Variants in DDX25 observed in about 807,000 individuals in gnomAD.
DDX25 encodes ATP-dependent RNA helicase DDX25.
In DDX25, 70 loss-of-function variants were observed where a neutral mutation model predicts 64.6. The observed-to-expected ratio is 1.08, with a 90% CI of 0.89 to 1.32. The LOEUF is 1.32. Among genes scored for constraint, DDX25 ranks in the 40% most tolerant of loss-of-function variants. The probability of loss-of-function intolerance (pLI) is 0.00; values close to 1 mark genes in which losing one functional copy is unlikely to be tolerated. For missense variants in DDX25, 587 were observed against 604.4 expected (o/e 0.97, Z 0.30); for synonymous variants, 211 against 213.3 (o/e 0.99, Z 0.09).
chr11:125,919,291 C>T (rs2134283718), intron 10 of DDX25, among the ~76,000 whole-genome samples: 1 of 152,282 alleles, frequency 6.6e-6, no homozygotes, highest in East Asian at 1.9e-4. Flanking sequence ...GCTTTCATTT[C>T]TCTTGGGTAA....
chr11:125,909,777 G>A (rs1320611704), intron 6 of DDX25, among the ~76,000 whole-genome samples: 1 of 151,580 alleles, frequency 6.6e-6, no homozygotes, highest in Non-Finnish European at 1.5e-5. Context: ...AGCCTCCCAA[G>A]TAGCTGGGAT....
chr11:125,924,444 C>T lies in DDX25; in HGVS notation c.*1563C>T, dbSNP rs1413085776. On this transcript the variant is annotated 3_prime_UTR_variant, in exon 12 of 12. Coordinates refer to ENST00000263576, the MANE Select transcript of DDX25 (RefSeq NM_013264.5). ...ACAGACTGTGCTAAAGCAAGCGGGCCCAGATCACTAGTGTAGCACAGAGGA... is the reference window on the plus strand; with the variant it reads ...ACAGACTGTGCTAAAGCAAGCGGGCTCAGATCACTAGTGTAGCACAGAGGA... 1 of 152,210 alleles carries T rather than the reference C, an allele frequency of 6.6e-6. No homozygotes were observed. Among genetic ancestry groups the T allele is most frequent in the Non-Finnish European group, 1.5e-5 (1 of 68,088 alleles). 9.4% of individuals were successfully genotyped at this position (152,210 alleles called of 1,614,324 possible). A position where few individuals can be genotyped will look rare whatever the true frequency, so the allele number is the denominator to read the frequency against.
chr11:125,911,557 T>C, intron 8 of DDX25, 69 bp downstream of exon 8: 1 of 1,459,920 alleles, frequency 6.8e-7, no homozygotes. Context: ...TGTTTACTCC[T>C]CCACATTATC....
chr11:125,920,915 C>A, intron 10 of DDX25: 1 of 218,912 alleles, frequency 4.6e-6, no homozygotes, highest in South Asian at 9.6e-5. Flanking sequence ...ACCACACACA[C>A]ACATACACAC....
Position 125,910,395 on chromosome 11 carries a change from C to T in DDX25, c.539C>T (p.Ala180Val). ...CLCLAPTYEL[A>V]LQTGRVVEQM... ...TGCCTAGCTCCTACTTATGAATTGGCTCTGCAAACTGGCCGTGTGGTTGAG... is the reference window on the plus strand; with the variant it reads ...TGCCTAGCTCCTACTTATGAATTGGTTCTGCAAACTGGCCGTGTGGTTGAG... The change falls in exon 7 of 12, where the codon GCT becomes GTT. Residue 180 changes from alanine to valine, a missense_variant. By Grantham distance (64) the Ala-to-Val change is moderately conservative. Coordinates refer to ENST00000263576, the MANE Select transcript of DDX25 (RefSeq NM_013264.5). 6.2e-7 allele frequency: 1 copy of T among 1,613,954 alleles called. No homozygotes were observed. The highest frequency in any genetic ancestry group is 1.3e-5 in the African/African-American group (1 of 75,038).
At chr11:125,904,618 G>T in intron 1 of DDX25, 38 bp downstream of exon 1, 1 of 1,429,468 alleles carries the variant, frequency 7.0e-7, no homozygotes, top group Non-Finnish European at 9.2e-7. Flanking sequence ...AGCCGCGGGG[G>T]TGGAGCTCCC....
intron 4 of DDX25, among the ~76,000 whole-genome samples, chr11:125,907,404 C>T (rs144303968): frequency 0.029 from 4,428 of 152,002 alleles, 80 homozygotes; most frequent in African/African-American, 0.033. Context: ...GTCAGGAGAT[C>T]GAGACCATCC....
At chr11:125,910,071 C>G (rs1358439682) in intron 6 of DDX25, among the ~76,000 whole-genome samples, 1 of 151,844 alleles carries the variant, frequency 6.6e-6, no homozygotes, top group Non-Finnish European at 1.5e-5. Flanking sequence ...CCCTCCTATG[C>G]CTCCCCCACT....
intron 4 of DDX25, among the ~76,000 whole-genome samples, chr11:125,907,372 G>A (rs1944902505): frequency 6.6e-6 from 1 of 152,144 alleles, no homozygotes; most frequent in Non-Finnish European, 1.5e-5. Context: ...ACTTTGGGAG[G>A]CCAAGGGGGG....
In DDX25 at chr11:125,926,138, G is replaced by A. The variant is rs1273818878; in HGVS notation, c.*3257G>A. On this transcript the variant is annotated 3_prime_UTR_variant, in exon 12 of 12. Transcript: ENST00000263576. The stretch of plus-strand genomic sequence containing the variant: ...TAGAAAGAGAACCCCTGCAGAGACA[G>A]TCCAGCTGTTGGGATGGGCCTGCAC... 6.6e-6 allele frequency: 1 copy of A among 152,496 alleles called. No individual in the cohort carries two copies. The highest frequency in any genetic ancestry group is 1.5e-5 in the Non-Finnish European group (1 of 68,306). The allele number at this position is 152,496 out of a possible 1,614,324, so 9.4% of individuals were successfully genotyped here. A position where few individuals can be genotyped will look rare whatever the true frequency, so the allele number is the denominator to read the frequency against.
rs1439883155 is a variant in DDX25 at position 125,921,042 on chromosome 11, A to T, written c.1202-149A>T. On this transcript the variant is annotated intron_variant, in intron 10 of 11. Transcript: ENST00000263576. The surrounding 1 kb of genome is among the most constrained non-coding windows in gnomAD (Gnocchi z 4.1). ...ATCACAGCATGCAAGCAAACTTCCTAACCAAAGTACCTGTCTCAATTACAT... is the reference window on the plus strand; with the variant it reads ...ATCACAGCATGCAAGCAAACTTCCTTACCAAAGTACCTGTCTCAATTACAT... The T allele has an allele frequency of 1.3e-6, 1 of 763,392 alleles. No individual in the cohort carries two copies. Among genetic ancestry groups the T allele is most frequent in the Non-Finnish European group, 2.0e-6 (1 of 490,338 alleles). The allele number at this position is 763,392 out of a possible 1,614,324, so 47.3% of individuals were successfully genotyped here.
intron 10 of DDX25, among the ~76,000 whole-genome samples, chr11:125,919,069 C>T (rs1332159116): frequency 1.3e-5 from 2 of 152,074 alleles, no homozygotes; most frequent in East Asian, 3.9e-4. Context: ...TGTGTAACTT[C>T]CTCCACCTGA....
chr11:125,905,985 T>C, intron 3 of DDX25, 89 bp from the exon 4 acceptor site: 1 of 1,441,474 alleles, frequency 6.9e-7, no homozygotes, highest in Non-Finnish European at 9.1e-7. Flanking sequence ...GTGCAATTGC[T>C]TGGTATACAA....
intron 3 of DDX25, 46 bp from the exon 4 acceptor site, chr11:125,906,028 T>A (rs1944880012): frequency 6.6e-7 from 1 of 1,506,442 alleles, no homozygotes; most frequent in African/African-American, 1.4e-5. Flanking sequence ...TTATTTGATG[T>A]CATTCAGGAA....
intron 8 of DDX25, among the ~76,000 whole-genome samples, chr11:125,914,131 T>G (rs1363430773): frequency 1.3e-5 from 2 of 152,244 alleles, no homozygotes; most frequent in Non-Finnish European, 2.9e-5. Context: ...TATCCAAGTT[T>G]CCTTTTTGTT....
At chr11:125,913,345 G>A (rs1944991065) in intron 8 of DDX25, among the ~76,000 whole-genome samples, 2 of 151,892 alleles carry the variant, frequency 1.3e-5, no homozygotes. Context: ...GTATGCTGGA[G>A]TATATTTTCT....
chr11:125,915,735 T>C (rs1283023320), intron 8 of DDX25, among the ~76,000 whole-genome samples: 5 of 152,202 alleles, frequency 3.3e-5, no homozygotes, highest in Non-Finnish European at 7.3e-5. Context: ...TTTTCAGTTC[T>C]TTCCCCCTGA....
chr11:125,904,431 G>A (rs1944845546), upstream of DDX25: 1 of 1,262,440 alleles, frequency 7.9e-7, no homozygotes, highest in Non-Finnish European at 1.0e-6. Context: ...GCCCCCTAAG[G>A]AAGCCCATTG....
Position 125,923,991 on chromosome 11 carries a change from G to A in DDX25, c.*1110G>A, listed in dbSNP as rs1418200228. ...ATACATAAAAATCATCACGTGGCTG[G>A]GCACAGTGGCTCACACCTGTAATCC... On this transcript the variant is annotated 3_prime_UTR_variant, in exon 12 of 12. Transcript: ENST00000263576. 1 of 152,238 alleles carries A rather than the reference G, an allele frequency of 6.6e-6. No individual in the cohort carries two copies. The allele number at this position is 152,238 out of a possible 1,614,324, so 9.4% of individuals were successfully genotyped here.
Sources: gnomAD v4.1 joint callset for allele counts (sites outside exome capture counted in the v4.1 genomes callset) on GRCh38, gnomAD v4.1.1 for gene constraint, Gnocchi (gnomAD v3.1) non-coding constraint, MANE v1.5 for transcripts, NCBI Gene and HGNC (gene_info 2026-07-23, HGNC 2026-07-21) for gene names.